Variants in ACTR3B observed in about 807,000 individuals in gnomAD.
ACTR3B encodes actin related protein 3B.
ACTR3B carries 8 observed loss-of-function variants against 59.0 expected under a neutral mutation model. That is an observed-to-expected ratio of 0.14 (90% CI 0.08 to 0.24). ACTR3B has a LOEUF of 0.24. ACTR3B is among the 10% of genes least tolerant of loss of function. The pLI is 1.00. For missense variants in ACTR3B, 245 were observed against 552.3 expected, an observed-to-expected ratio of 0.44 and a Z score of 5.58; for synonymous variants, 148 against 197.9, an observed-to-expected ratio of 0.75 and a Z score of 2.12.
intron 4 of ACTR3B, among the ~76,000 whole-genome samples, chr7:152,802,197 A>G (rs2098238973): frequency 6.6e-6 from 1 of 152,010 alleles, no homozygotes; most frequent in Non-Finnish European, 1.5e-5. Context: ...ATAGGAATGG[A>G]TTTACTGTGA....
At chr7:152,845,254 C>T (rs1329259096) in intron 9 of ACTR3B, among the ~76,000 whole-genome samples, 2 of 152,006 alleles carry the variant, frequency 1.3e-5, no homozygotes, top group East Asian at 3.9e-4. Context: ...CATTTTTTGC[C>T]CTTTTTCTGT....
chr7:152,848,949 A>G (rs1227361775), intron 9 of ACTR3B, among the ~76,000 whole-genome samples: 1 of 152,176 alleles, frequency 6.6e-6, no homozygotes, highest in African/African-American at 2.4e-5. Context: ...GTGATTATTC[A>G]TGATGCTGAT....
intron 9 of ACTR3B, among the ~76,000 whole-genome samples, chr7:152,836,486 C>T (rs1376076469): frequency 6.6e-6 from 1 of 151,820 alleles, no homozygotes; most frequent in East Asian, 2.0e-4. Context: ...ACTTGGGAGG[C>T]TGAGGTGGGA....
At chr7:152,851,984 G>T in intron 9 of ACTR3B, 142 bp from the exon 10 acceptor site, 3 of 1,106,984 alleles carry the variant, frequency 2.7e-6, no homozygotes, top group Non-Finnish European at 4.0e-6. Flanking sequence ...ATAGCATTAA[G>T]TTTGCTTTTG....
intron 4 of ACTR3B, chr7:152,811,699 G>T (rs1054046014): frequency 6.6e-6 from 1 of 151,984 alleles, no homozygotes; most frequent in African/African-American, 2.4e-5. Flanking sequence ...TTGTTTAGGG[G>T]TAACTATCTC....
chr7:152,854,390 T>G lies in ACTR3B; in HGVS notation c.1162-68T>G. 1 of 1,447,882 alleles carries G rather than the reference T, an allele frequency of 6.9e-7. No individual in the cohort carries two copies. The highest frequency in any genetic ancestry group is 9.7e-7 in the Non-Finnish European group (1 of 1,029,566). 89.7% of individuals were successfully genotyped at this position (1,447,882 alleles called of 1,614,324 possible). A position where few individuals can be genotyped will look rare whatever the true frequency, so the allele number is the denominator to read the frequency against. On this transcript the variant is annotated intron_variant, in intron 11 of 11. Coordinates refer to ENST00000256001, the MANE Select transcript of ACTR3B (RefSeq NM_020445.6). This position sits in a 1 kb window ranked among gnomAD's most constrained non-coding sequence, Gnocchi z 4.9. ...GGGATGAGGAGAGTGTCTTGCCTGCTTGGTAGCTGGTTCCCTTGACTTTCT... is the reference window on the plus strand; with the variant it reads ...GGGATGAGGAGAGTGTCTTGCCTGCGTGGTAGCTGGTTCCCTTGACTTTCT...
intron 10 of ACTR3B, among the ~76,000 whole-genome samples, chr7:152,852,939 C>T (rs1354241015): frequency 6.6e-6 from 1 of 151,950 alleles, no homozygotes; most frequent in African/African-American, 2.4e-5. Context: ...CTACAGGTGC[C>T]CGCCACCAAG....
At chr7:152,822,882 G>C (rs910463241) in intron 7 of ACTR3B, among the ~76,000 whole-genome samples, 1 of 152,182 alleles carries the variant, frequency 6.6e-6, no homozygotes, top group African/African-American at 2.4e-5. Flanking sequence ...GGACCCAAAT[G>C]GGACCCAAAG....
chr7:152,800,032 CT>C (rs2116728476), intron 2 of ACTR3B, among the ~76,000 whole-genome samples: 1 of 152,182 alleles, frequency 6.6e-6, no homozygotes, highest in African/African-American at 2.4e-5. Flanking sequence ...CTAATTTATC[CT>C]TTTAATGGGA....
rs566565601 is a variant in ACTR3B at position 152,766,617 on chromosome 7, T to C, written c.44+6691T>C. ...TAGAGAATATTAACCCTTAATGATA[T>C]ACGTTGCAAATATATTTCCCCTATT... On this transcript the variant is annotated intron_variant, in intron 1 of 11. Coordinates refer to ENST00000256001, the MANE Select transcript of ACTR3B (RefSeq NM_020445.6). Among the ~76,000 whole-genome samples the C allele has an allele frequency of 3.3e-5, 5 of 152,354 alleles. No individual in the cohort carries two copies. In the South Asian group the frequency reaches 6.2e-4, roughly 19 times the overall value.
intron 2 of ACTR3B, chr7:152,786,529 G>C (rs1375657617): frequency 6.5e-6 from 1 of 152,900 alleles, no homozygotes; most frequent in African/African-American, 2.4e-5. Context: ...CTCCAGCCTG[G>C]GGGACAGAGT....
At chr7:152,838,524 C>T (rs946770100) in intron 9 of ACTR3B, among the ~76,000 whole-genome samples, 15 of 151,828 alleles carry the variant, frequency 9.9e-5, no homozygotes, top group South Asian at 2.1e-4. Flanking sequence ...ACCACACATC[C>T]GGGCCTGTTG....
intron 5 of ACTR3B, among the ~76,000 whole-genome samples, chr7:152,816,032 G>A (rs185878212): frequency 0.022 from 3,277 of 151,558 alleles, 113 homozygotes; most frequent in African/African-American, 0.07. Context: ...CTCTAGCTGC[G>A]ACCTTCTGGG....
chr7:152,773,384 C>T (rs1321194777), intron 1 of ACTR3B, among the ~76,000 whole-genome samples: 2 of 152,016 alleles, frequency 1.3e-5, no homozygotes, highest in Admixed American at 6.6e-5. Context: ...GGTCAGAGTT[C>T]GAGACCAGCC....
At chr7:152,773,984 G>C (rs1221411319) in intron 1 of ACTR3B, among the ~76,000 whole-genome samples, 1 of 152,200 alleles carries the variant, frequency 6.6e-6, no homozygotes, top group African/African-American at 2.4e-5. Context: ...TCTAGGGAGT[G>C]TGTTGGGCTC....
In ACTR3B at chr7:152,795,313, C is replaced by T. The variant is rs1216774571; in HGVS notation, c.101-5218C>T. ...CTGCCCAACTTGGCCTCCCACAGTGCTGGGATTACAGGCGTGAGCCACTGC... is the reference window on the plus strand; with the variant it reads ...CTGCCCAACTTGGCCTCCCACAGTGTTGGGATTACAGGCGTGAGCCACTGC... On this transcript the variant is annotated intron_variant, in intron 2 of 11. Transcript: ENST00000256001. 6.6e-5 allele frequency among the ~76,000 whole-genome samples: 10 copies of T among 152,214 alleles called. No homozygotes were observed. The South Asian group carries it at 1.9e-3, about 28-fold the overall frequency.
At chr7:152,838,671 T>TA (rs11415925) in intron 9 of ACTR3B, among the ~76,000 whole-genome samples, 18,426 of 134,132 alleles carry the variant, frequency 0.14, no homozygotes, top group African/African-American at 0.33. Context: ...CCCCAGAACT[T>TA]AAAGTATAAT....
intron 1 of ACTR3B, among the ~76,000 whole-genome samples, chr7:152,765,306 G>C (rs939532707): frequency 2.6e-5 from 4 of 151,710 alleles, no homozygotes; most frequent in African/African-American, 9.7e-5. Context: ...TAATAGAGAC[G>C]GGGTTTCTCC....
intron 2 of ACTR3B, among the ~76,000 whole-genome samples, chr7:152,790,555 G>A (rs2098192280): frequency 6.6e-6 from 1 of 151,972 alleles, no homozygotes; most frequent in Non-Finnish European, 1.5e-5. Context: ...AACTGTAATT[G>A]CAAATATTTA....
Sources: gnomAD v4.1 joint callset for allele counts (sites outside exome capture counted in the v4.1 genomes callset) on GRCh38, gnomAD v4.1.1 for gene constraint, Gnocchi (gnomAD v3.1) non-coding constraint, MANE v1.5 for transcripts, NCBI Gene and HGNC (gene_info 2026-07-23, HGNC 2026-07-21) for gene names.